EPB41L2: variants seen among roughly 807,000 people sequenced by gnomAD.
The protein encoded by EPB41L2 is band 4.1-like protein 2.
EPB41L2 carries 43 observed loss-of-function variants against 113.0 expected under a neutral mutation model. The ratio of observed to expected loss-of-function variants is 0.38; its 90% CI spans 0.30 to 0.49. The LOEUF is 0.49. EPB41L2 is among the 20% of genes least tolerant of loss of function. EPB41L2 has a pLI of 0.95. For missense variants in EPB41L2, 1,147 were observed against 1,223.4 expected, an observed-to-expected ratio of 0.94 and a Z score of 0.93; for synonymous variants, 442 against 436.7, an observed-to-expected ratio of 1.01 and a Z score of -0.15.
At chr6:131,061,558 C>G (rs893071880) in intron 1 of EPB41L2, among the ~76,000 whole-genome samples, 1 of 152,124 alleles carries the variant, frequency 6.6e-6, no homozygotes, top group Admixed American at 6.5e-5. Flanking sequence ...GTGGCTGCAA[C>G]AGCCACCCAG....
intron 1 of EPB41L2, among the ~76,000 whole-genome samples, chr6:130,962,844 T>A (rs901246626): frequency 2.0e-5 from 3 of 152,080 alleles, no homozygotes; most frequent in African/African-American, 4.8e-5. Flanking sequence ...AAGGGTAGCT[T>A]CTATTGGTCT....
intron 18 of EPB41L2, among the ~76,000 whole-genome samples, chr6:130,858,758 G>A (rs1198697029): frequency 6.6e-6 from 1 of 152,220 alleles, no homozygotes. Flanking sequence ...CTCAGTAATT[G>A]TTTGAACTAA....
rs41285330 is a variant in EPB41L2, at chr6:130,926,631, A to C, written c.784T>G (p.Leu262Val). Residue 262 changes from leucine (L) to valine (V), a missense_variant, in exon 4 of 20, where the codon TTG (leucine) becomes GTG (valine). Transcript: ENST00000337057. ...TTCTGCTCAGGGCTTTCCTGAAACAAAAGTCCAAAGTAGTCTTTCTCCAAG... is the reference window on the plus strand; with the variant it reads ...TTCTGCTCAGGGCTTTCCTGAAACACAAGTCCAAAGTAGTCTTTCTCCAAG... ...NLLEKDYFGLLFQESPEQKNW... is the reference protein window; with the variant it reads ...NLLEKDYFGLVFQESPEQKNW... 3 of 1,608,464 alleles carry C rather than the reference A, an allele frequency of 1.9e-6. No individual in the cohort carries two copies. The highest frequency in any genetic ancestry group is 2.5e-6 in the Non-Finnish European group (3 of 1,178,530).
At chr6:130,862,063 G>T (rs1412236935) in intron 18 of EPB41L2, among the ~76,000 whole-genome samples, 1 of 152,042 alleles carries the variant, frequency 6.6e-6, no homozygotes, top group Non-Finnish European at 1.5e-5. Context: ...TTAAGAGTCA[G>T]GTGTATATGT....
At chr6:131,015,465 A>G (rs1787982102) in intron 1 of EPB41L2, 4 of 152,252 alleles carry the variant, frequency 2.6e-5, no homozygotes, top group Admixed American at 2.0e-4. Context: ...GGTCTGGCAT[A>G]AGAAGATAAA....
chr6:130,855,261 G>T (rs1779868204), intron 19 of EPB41L2, among the ~76,000 whole-genome samples: 1 of 151,988 alleles, frequency 6.6e-6, no homozygotes, highest in African/African-American at 2.4e-5. Context: ...GAGGCAGGCA[G>T]AATTGCTTGA....
At chr6:130,843,983 G>C (rs962696030) in intron 19 of EPB41L2, among the ~76,000 whole-genome samples, 1 of 152,178 alleles carries the variant, frequency 6.6e-6, no homozygotes, top group African/African-American at 2.4e-5. Context: ...TGAGTTTCTA[G>C]AGACAAAGGG....
At chr6:130,841,826 T>C (rs17059681) in intron 19 of EPB41L2, among the ~76,000 whole-genome samples, 11,339 of 152,166 alleles carry the variant, frequency 0.075, 639 homozygotes, top group African/African-American at 0.15. Context: ...AACCAACAGA[T>C]AGAACTAAGT....
intron 19 of EPB41L2, 133 bp from the exon 20 acceptor site, chr6:130,840,731 T>A (rs1235016836): frequency 6.6e-6 from 1 of 151,924 alleles, no homozygotes; most frequent in Non-Finnish European, 1.5e-5. Flanking sequence ...AGTCTTACAT[T>A]AAATAGTATG....
Position 130,865,593 on chromosome 6 carries a change from G to T in EPB41L2, c.2772C>A (p.Thr924=). The change falls in exon 17 of 20, where the codon ACC becomes ACA. Residue 924 remains threonine, a synonymous_variant. Coordinates refer to ENST00000337057, the MANE Select transcript of EPB41L2 (RefSeq NM_001431.4). The part of the protein sequence containing the change: ...GAGGDSGTLL[T]AQTITSESVS... ...CGGACTCAGATGTGATGGTTTGTGC[G>T]GTCAGTAACGTGCCCGAATCACCAC... 1 of 1,614,084 alleles carries T rather than the reference G, an allele frequency of 6.2e-7. No homozygotes were observed.
chr6:131,062,900 G>C (rs533745412), intron 1 of EPB41L2, among the ~76,000 whole-genome samples: 3 of 152,030 alleles, frequency 2.0e-5, no homozygotes, highest in Non-Finnish European at 2.9e-5. Context: ...GGAGCAACAG[G>C]ACCCGGACCC....
Position 130,890,418 on chromosome 6 carries a change from C to T in EPB41L2, c.1536G>A (p.Gly512=), listed in dbSNP as rs1355101387. 1.9e-6 allele frequency: 3 copies of T among 1,611,496 alleles called. No homozygotes were observed. In the Admixed American group the frequency reaches 5.0e-5, roughly 27 times the overall value. Reference sequence around the variant, plus strand: ...TGCGGCCACTATAGCGAAATTTGGACCCCAAGGTCAGGAACTTGGCTTTTG... The same window carrying T: ...TGCGGCCACTATAGCGAAATTTGGATCCCAAGGTCAGGAACTTGGCTTTTG... ...QPPKAKFLTL[G]SKFRYSGRTQ... The change falls in exon 11 of 20, where the codon GGG becomes GGA. Residue 512 remains glycine (G), a synonymous_variant. Coordinates refer to ENST00000337057, the MANE Select transcript of EPB41L2 (RefSeq NM_001431.4).
chr6:130,896,134 C>T (rs1022546064), intron 8 of EPB41L2, among the ~76,000 whole-genome samples: 3 of 152,176 alleles, frequency 2.0e-5, no homozygotes, highest in Non-Finnish European at 4.4e-5. Flanking sequence ...TTTTGTCTAT[C>T]TTATTACTCA....
intron 1 of EPB41L2, among the ~76,000 whole-genome samples, chr6:130,970,720 A>C (rs1360305386): frequency 6.6e-6 from 1 of 152,172 alleles, no homozygotes; most frequent in African/African-American, 2.4e-5. Context: ...CAGAATAGAC[A>C]CCAAAAGTAT....
intron 1 of EPB41L2, among the ~76,000 whole-genome samples, chr6:131,001,784 C>CT (rs1222199066): frequency 6.6e-6 from 1 of 152,152 alleles, no homozygotes; most frequent in Admixed American, 6.5e-5. Context: ...AAGTTACTTC[C>CT]TTTTTTCCCT....
In EPB41L2 at chr6:130,869,558, T is replaced by C; in HGVS notation, c.2607+5A>G. 2 of 1,612,720 alleles carry C rather than the reference T, an allele frequency of 1.2e-6. No individual in the cohort carries two copies. The highest frequency in any genetic ancestry group is 2.7e-5 in the African/African-American group (2 of 75,038). On this transcript the variant is annotated splice_donor_5th_base_variant and intron_variant, in intron 15 of 19. Transcript: ENST00000337057. ...GTTTGGCTCCCACCTGGGACTCCCA[T>C]TTACCTCTGAACAACAAATAATTTG...
intron 1 of EPB41L2, among the ~76,000 whole-genome samples, chr6:131,041,308 A>C (rs2178282): frequency 0.27 from 40,543 of 152,098 alleles, 5,655 homozygotes; most frequent in East Asian, 0.43. Context: ...AGTTAATGTA[A>C]GGAAATAATG....
chr6:131,016,308 T>C (rs1788187804), intron 1 of EPB41L2, among the ~76,000 whole-genome samples: 1 of 152,220 alleles, frequency 6.6e-6, no homozygotes, highest in Admixed American at 6.5e-5. Flanking sequence ...AAAATAATGC[T>C]TAACAGCTTA....
intron 1 of EPB41L2, among the ~76,000 whole-genome samples, chr6:130,990,866 G>A (rs577674850): frequency 3.8e-4 from 54 of 144,000 alleles, no homozygotes; most frequent in Admixed American, 1.0e-3. Flanking sequence ...TCGCTCTGCC[G>A]CCCAGGCTGG....
Sources: allele counts gnomAD v4.1 joint callset (sites outside exome capture counted in the v4.1 genomes callset), GRCh38; gene constraint gnomAD v4.1.1; transcripts MANE v1.5; gene names NCBI Gene and HGNC (gene_info 2026-07-23, HGNC 2026-07-21).